NCOA7: variants seen among roughly 807,000 people sequenced by gnomAD.
NCOA7 encodes 140 kDa estrogen receptor-associated protein.
In NCOA7, 45 loss-of-function variants were observed where a neutral mutation model predicts 104.3. The observed-to-expected ratio is 0.43, with a 90% CI of 0.34 to 0.55. The LOEUF is 0.55. NCOA7 is among the 20% of genes least tolerant of loss of function. The probability of loss-of-function intolerance (pLI) is 0.02; values close to 1 mark genes in which losing one functional copy is unlikely to be tolerated. For synonymous variants in NCOA7, 398 were observed against 402.3 expected (o/e 0.99, Z 0.13); for missense variants, 1,041 against 1,119.7 (o/e 0.93, Z 1.00).
intron 2 of NCOA7, among the ~76,000 whole-genome samples, chr6:125,851,108 TATTA>T (rs1421017903): frequency 6.6e-6 from 1 of 152,222 alleles, no homozygotes; most frequent in African/African-American, 2.4e-5. Flanking sequence ...ATTTTTTTAT[TATTA>T]ATTATATGAT....
chr6:125,838,561 G>T (rs1415493478), intron 2 of NCOA7, among the ~76,000 whole-genome samples: 2 of 152,146 alleles, frequency 1.3e-5, no homozygotes, highest in East Asian at 3.9e-4. Context: ...TGTCAAAGAA[G>T]CATATTCTGG....
intron 10 of NCOA7, among the ~76,000 whole-genome samples, chr6:125,897,345 C>T (rs974302202): frequency 2.0e-5 from 3 of 152,106 alleles, no homozygotes; most frequent in African/African-American, 7.2e-5. Flanking sequence ...AAAGCTAGTC[C>T]CATGAACAAG....
intron 10 of NCOA7, among the ~76,000 whole-genome samples, chr6:125,903,645 C>G (rs1785701377): frequency 6.6e-6 from 1 of 151,478 alleles, no homozygotes; most frequent in African/African-American, 2.4e-5. Context: ...TAGTCTTTTC[C>G]TAAATAGCAA....
intron 1 of NCOA7, among the ~76,000 whole-genome samples, chr6:125,805,087 CTTTTT>C (rs59737297): frequency 1.2e-4 from 7 of 58,052 alleles, no homozygotes; most frequent in African/African-American, 4.3e-4. Flanking sequence ...CCCTCTTGTT[CTTTTT>C]TTTTTTTTTT....
At chr6:125,890,509 G>A (rs993070189) in intron 9 of NCOA7, 133 bp from the exon 10 acceptor site, 1 of 866,626 alleles carries the variant, frequency 1.2e-6, no homozygotes, top group African/African-American at 1.8e-5. Context: ...TATTAGTCCT[G>A]ATACGATGTT....
intron 2 of NCOA7, among the ~76,000 whole-genome samples, chr6:125,834,667 A>G (rs1356847679): frequency 1.3e-5 from 2 of 152,196 alleles, no homozygotes; most frequent in African/African-American, 4.8e-5. Context: ...TGCTGACCTA[A>G]AAGGAAGAAG....
chr6:125,877,471 C>T (rs1185017863), intron 4 of NCOA7, among the ~76,000 whole-genome samples: 1 of 152,176 alleles, frequency 6.6e-6, no homozygotes, highest in African/African-American at 2.4e-5. Flanking sequence ...TATCTGGCAG[C>T]TCTGATCAGG....
intron 1 of NCOA7, among the ~76,000 whole-genome samples, chr6:125,794,363 G>A (rs530057348): frequency 1.3e-5 from 2 of 152,188 alleles, no homozygotes; most frequent in Admixed American, 1.3e-4. Context: ...TGGCAACTAG[G>A]AAATGAACAA....
chr6:125,838,100 A>T (rs1365535573), intron 2 of NCOA7, among the ~76,000 whole-genome samples: 1 of 152,192 alleles, frequency 6.6e-6, no homozygotes, highest in Admixed American at 6.5e-5. Flanking sequence ...CATAAAAGGC[A>T]GATTAATAAG....
Position 125,784,942 on chromosome 6 carries a change from T to A in NCOA7, c.-141-1195T>A, listed in dbSNP as rs116176949. On this transcript the variant is annotated intron_variant, in intron 1 of 16. Coordinates refer to the NCOA7 transcript ENST00000368357. ...TGGGAGCCTCATGGTGATAGCTCTG[T>A]ATTTTATTGTGGTGGTGATACAAGA... is the stretch of plus-strand genomic sequence containing the variant. Among the ~76,000 whole-genome samples the A allele has an allele frequency of 6.3e-3, 962 of 152,282 alleles. 12 individuals carry two copies. Among genetic ancestry groups the A allele is most frequent in the African/African-American group, 0.022 (918 of 41,548 alleles).
At chr6:125,848,251 A>G (rs917285808) in intron 2 of NCOA7, among the ~76,000 whole-genome samples, 10 of 152,196 alleles carry the variant, frequency 6.6e-5, no homozygotes, top group African/African-American at 2.2e-4. Flanking sequence ...GCAATTCCTC[A>G]AGGATCTAGA....
intron 8 of NCOA7, 77 bp from the exon 9 acceptor site, chr6:125,888,861 GT>G (rs1424706008): frequency 9.0e-7 from 1 of 1,115,616 alleles, no homozygotes; most frequent in Non-Finnish European, 1.3e-6. Flanking sequence ...TTTCTGTTTT[GT>G]TTTTTGCCTT....
chr6:125,819,131 G>A (rs1777900599), intron 2 of NCOA7, among the ~76,000 whole-genome samples: 1 of 151,868 alleles, frequency 6.6e-6, no homozygotes, highest in Non-Finnish European at 1.5e-5. Flanking sequence ...TTCCTCCTGA[G>A]TAGTTAAATA....
chr6:125,861,801 C>T (rs1048630283), intron 3 of NCOA7, among the ~76,000 whole-genome samples: 3 of 152,040 alleles, frequency 2.0e-5, no homozygotes, highest in Non-Finnish European at 4.4e-5. Flanking sequence ...CTTTGGGAGG[C>T]GGAGGTGAGT....
intron 2 of NCOA7, among the ~76,000 whole-genome samples, chr6:125,820,670 C>T (rs1778098001): frequency 6.6e-6 from 1 of 151,964 alleles, no homozygotes; most frequent in Admixed American, 6.5e-5. Context: ...CCTTTAATAA[C>T]AAATCATTCC....
intron 1 of NCOA7, among the ~76,000 whole-genome samples, chr6:125,796,484 A>G (rs941544699): frequency 4.0e-5 from 6 of 151,762 alleles, no homozygotes; most frequent in African/African-American, 1.5e-4. Flanking sequence ...GATATAATCT[A>G]TGCACATCCT....
intron 10 of NCOA7, among the ~76,000 whole-genome samples, chr6:125,903,478 G>T (rs1422493944): frequency 1.3e-5 from 2 of 152,094 alleles, no homozygotes; most frequent in African/African-American, 4.8e-5. Flanking sequence ...CTAAAGCTAT[G>T]AACGCATGGC....
chr6:125,789,646 T>A (rs1041287746), upstream of NCOA7, among the ~76,000 whole-genome samples: 1 of 152,112 alleles, frequency 6.6e-6, no homozygotes, highest in Non-Finnish European at 1.5e-5. Flanking sequence ...AAACCTGACG[T>A]CTAAATTAAT....
At chr6:125,913,296 A>G (rs1419167180) in intron 10 of NCOA7, among the ~76,000 whole-genome samples, 1 of 151,832 alleles carries the variant, frequency 6.6e-6, no homozygotes, top group East Asian at 1.9e-4. Flanking sequence ...AAGCCTGAAG[A>G]AAGTCTGAAG....
Sources: allele counts gnomAD v4.1 joint callset (sites outside exome capture counted in the v4.1 genomes callset), GRCh38; gene constraint gnomAD v4.1.1; transcripts MANE v1.5; gene names NCBI Gene and HGNC (gene_info 2026-07-23, HGNC 2026-07-21).